Variants in BICC1 observed in about 807,000 individuals in gnomAD.
BICC1 encodes BicC family RNA binding protein 1, also known as protein bicaudal C homolog 1.
In BICC1, 43 loss-of-function variants were observed where a neutral mutation model predicts 111.0. The observed-to-expected ratio is 0.39, with a 90% CI of 0.30 to 0.50. The LOEUF (loss-of-function observed/expected upper bound fraction) is 0.50, where lower values mean the gene tolerates loss of function less well. Among genes scored for constraint, BICC1 ranks in the 20% least tolerant of loss-of-function variants. BICC1 has a pLI of 0.88. For missense variants in BICC1, 1,091 were observed against 1,203.2 expected, an observed-to-expected ratio of 0.91 and a Z score of 1.38; for synonymous variants, 467 against 434.4, an observed-to-expected ratio of 1.07 and a Z score of -0.93.
intron 17 of BICC1, among the ~76,000 whole-genome samples, chr10:58,812,545 C>A (rs1284886812): frequency 6.6e-6 from 1 of 150,404 alleles, no homozygotes; most frequent in Admixed American, 6.7e-5. Flanking sequence ...GTGGCATGAT[C>A]TTGCTCATTG....
chr10:58,620,998 G>A, intron 2 of BICC1, 97 bp downstream of exon 2: 1 of 1,012,066 alleles, frequency 9.9e-7, no homozygotes, highest in Non-Finnish European at 1.5e-6. Context: ...CCCTTCATGT[G>A]GAGGAGAACA....
intron 18 of BICC1, among the ~76,000 whole-genome samples, chr10:58,816,561 C>G (rs1844095174): frequency 1.3e-5 from 2 of 152,094 alleles, no homozygotes; most frequent in Admixed American, 1.3e-4. Context: ...TTGGCAGACA[C>G]ATGGATCCCC....
intron 1 of BICC1, among the ~76,000 whole-genome samples, chr10:58,532,707 G>A (rs1249597116): frequency 6.6e-6 from 1 of 151,836 alleles, no homozygotes; most frequent in African/African-American, 2.4e-5. Context: ...AGGCATCTCA[G>A]TTGGTTTAGC....
At chr10:58,565,914 C>T (rs550700680) in intron 1 of BICC1, among the ~76,000 whole-genome samples, 1 of 152,198 alleles carries the variant, frequency 6.6e-6, no homozygotes, top group Non-Finnish European at 1.5e-5. Context: ...GTACACCTTA[C>T]CCAAGCACTG....
chr10:58,586,468 A>T (rs1201542300), intron 1 of BICC1, among the ~76,000 whole-genome samples: 3 of 147,822 alleles, frequency 2.0e-5, no homozygotes, highest in African/African-American at 7.4e-5. Context: ...ATTCATGCAG[A>T]GTACTTCCTG....
At chr10:58,554,551 C>G (rs1052058147) in intron 1 of BICC1, among the ~76,000 whole-genome samples, 1 of 151,880 alleles carries the variant, frequency 6.6e-6, no homozygotes, top group Non-Finnish European at 1.5e-5. Context: ...TTTTGTTGTT[C>G]TTCCTGTGAT....
intron 1 of BICC1, among the ~76,000 whole-genome samples, chr10:58,588,845 A>G (rs1414848989): frequency 6.6e-6 from 1 of 152,338 alleles, no homozygotes; most frequent in African/African-American, 2.4e-5. Context: ...ATGGCATAGC[A>G]GACTTGGCCA....
intron 1 of BICC1, among the ~76,000 whole-genome samples, chr10:58,583,872 A>G (rs962694138): frequency 3.9e-5 from 6 of 152,108 alleles, no homozygotes; most frequent in African/African-American, 1.4e-4. Context: ...TGGTAGTACT[A>G]GTTTATACTC....
rs186931831 is a variant in BICC1, at chr10:58,611,742, G to A, written c.191-9113G>A. On this transcript the variant is annotated intron_variant, in intron 1 of 20. Transcript: ENST00000373886. ...TGACCTCAGGTGATCCTCCCACCTCGGCCTCCCAAAGTGCTGGGATTGCAG... is the reference window on the plus strand; with the variant it reads ...TGACCTCAGGTGATCCTCCCACCTCAGCCTCCCAAAGTGCTGGGATTGCAG... Among the ~76,000 whole-genome samples the A allele has an allele frequency of 5.9e-3, 889 of 151,860 alleles. 8 individuals are homozygous for A. Among genetic ancestry groups the A allele is most frequent in the African/African-American group, 0.02 (842 of 41,426 alleles).
intron 4 of BICC1, among the ~76,000 whole-genome samples, chr10:58,785,356 T>TATATAC (rs1392144121): frequency 6.6e-6 from 1 of 152,196 alleles, no homozygotes; most frequent in African/African-American, 2.4e-5. Context: ...TATGTGTATA[T>TATATAC]ATGTATACAT....
intron 19 of BICC1, among the ~76,000 whole-genome samples, chr10:58,818,097 C>T (rs1006694186): frequency 1.3e-5 from 2 of 152,132 alleles, no homozygotes; most frequent in Admixed American, 1.3e-4. Flanking sequence ...ATTTGTGGCA[C>T]TTAAAAGTAA....
At chr10:58,678,284 G>A (rs1268473262) in intron 2 of BICC1, among the ~76,000 whole-genome samples, 1 of 152,166 alleles carries the variant, frequency 6.6e-6, no homozygotes, top group African/African-American at 2.4e-5. Flanking sequence ...CCATCAGTGT[G>A]CTGTACTCAG....
At chr10:58,687,937 C>T (rs115262707) in intron 2 of BICC1, among the ~76,000 whole-genome samples, 1,535 of 152,198 alleles carry the variant, frequency 0.01, 22 homozygotes, top group African/African-American at 0.035. Flanking sequence ...CTGTCGCTCA[C>T]GCTGGGAGCT....
intron 3 of BICC1, among the ~76,000 whole-genome samples, chr10:58,728,493 T>C (rs1352998042): frequency 6.6e-6 from 1 of 152,136 alleles, no homozygotes; most frequent in Non-Finnish European, 1.5e-5. Context: ...GCTACTCTCT[T>C]TACTGAAGTC....
At position 58,830,456 on chromosome 10, in the gene BICC1, C is replaced by G. The variant is rs1844522610; in HGVS notation, c.*1565C>G. ...CATGGACATAAACCACTCTCACGTGCTCTCAGCAGAAGGCATTAGATAAGC... is the reference window on the plus strand; with the variant it reads ...CATGGACATAAACCACTCTCACGTGGTCTCAGCAGAAGGCATTAGATAAGC... On this transcript the variant is annotated 3_prime_UTR_variant, in exon 21 of 21. Coordinates refer to ENST00000373886, the MANE Select transcript of BICC1 (RefSeq NM_001080512.3). The G allele has an allele frequency of 6.6e-6, 1 of 152,126 alleles. No individual in the cohort carries two copies. Among genetic ancestry groups the G allele is most frequent in the Non-Finnish European group, 1.5e-5 (1 of 68,018 alleles). 9.4% of individuals were successfully genotyped at this position (152,126 alleles called of 1,614,324 possible).
intron 2 of BICC1, among the ~76,000 whole-genome samples, chr10:58,623,821 C>T (rs1165013682): frequency 2.0e-5 from 3 of 152,092 alleles, no homozygotes; most frequent in Non-Finnish European, 4.4e-5. Context: ...CTGTCACTTC[C>T]TCTCACACTC....
intron 2 of BICC1, chr10:58,650,652 C>G (rs1220227131): frequency 6.6e-6 from 1 of 152,184 alleles, no homozygotes; most frequent in East Asian, 1.9e-4. Context: ...AGACCTCAAG[C>G]TACTTTGTGT....
chr10:58,525,571 G>T (rs186713389), intron 1 of BICC1, among the ~76,000 whole-genome samples: 1 of 115,756 alleles, frequency 8.6e-6, no homozygotes, highest in Non-Finnish European at 1.7e-5. Flanking sequence ...GTGGGGTGGG[G>T]GGAGGGGGGA....
intron 1 of BICC1, among the ~76,000 whole-genome samples, chr10:58,562,109 T>C (rs1843621695): frequency 6.6e-6 from 1 of 152,180 alleles, no homozygotes; most frequent in African/African-American, 2.4e-5. Flanking sequence ...CTTTTTTGAA[T>C]TAAATTTACT....
Sources: gnomAD v4.1 joint callset for allele counts (sites outside exome capture counted in the v4.1 genomes callset) on GRCh38, gnomAD v4.1.1 for gene constraint, MANE v1.5 for transcripts, NCBI Gene and HGNC (gene_info 2026-07-23, HGNC 2026-07-21) for gene names.